The following TNPO3 variants were observed in gnomAD, a reference collection of about 807,000 sequenced individuals.
The protein encoded by TNPO3 is transportin-3.
Under a neutral mutation model 122.8 loss-of-function variants are expected in TNPO3, and 65 were observed. The observed-to-expected ratio is 0.53, with a 90% CI of 0.43 to 0.65. The LOEUF (loss-of-function observed/expected upper bound fraction) is 0.65. TNPO3 is among the 30% of genes least tolerant of loss of function. The pLI is 0.00. For missense variants in TNPO3, 850 were observed against 1,136.7 expected, an observed-to-expected ratio of 0.75 and a Z score of 3.63; for synonymous variants, 372 against 411.2, an observed-to-expected ratio of 0.90 and a Z score of 1.15.
intron 15 of TNPO3, among the ~76,000 whole-genome samples, 184 bp downstream of exon 15, chr7:128,979,787 T>TTA (rs1256626983): frequency 6.6e-6 from 1 of 152,216 alleles, no homozygotes; most frequent in Non-Finnish European, 1.5e-5. Context: ...TGCAGCCTGT[T>TTA]TTGTTATCAA....
intron 4 of TNPO3, among the ~76,000 whole-genome samples, chr7:129,012,423 C>T (rs1021941085): frequency 6.6e-6 from 1 of 152,084 alleles, no homozygotes; most frequent in Non-Finnish European, 1.5e-5. Flanking sequence ...AAATAATTTA[C>T]TACAGGTTAA....
intron 1 of TNPO3, among the ~76,000 whole-genome samples, chr7:129,024,004 G>A (rs554900772): frequency 2.6e-5 from 4 of 152,256 alleles, no homozygotes; most frequent in African/African-American, 9.6e-5. Context: ...AGATAGCTGC[G>A]AATATAATGC....
chr7:129,048,358 A>G (rs961678582), intron 1 of TNPO3, among the ~76,000 whole-genome samples: 1 of 151,940 alleles, frequency 6.6e-6, no homozygotes, highest in Non-Finnish European at 1.5e-5. Context: ...GCAAAACCCC[A>G]ATCTCTACTA....
chr7:128,979,255 G>T, intron 15 of TNPO3, 132 bp from the exon 16 acceptor site: 2 of 1,068,424 alleles, frequency 1.9e-6, no homozygotes, highest in Non-Finnish European at 2.7e-6. Context: ...AACACACATG[G>T]CCAGCATGCT....
At chr7:128,975,337 A>T (rs1798942125) in intron 17 of TNPO3, among the ~76,000 whole-genome samples, 1 of 152,228 alleles carries the variant, frequency 6.6e-6, no homozygotes, top group African/African-American at 2.4e-5. Context: ...AAATGAAAAG[A>T]CATCTTGGGA....
At chr7:128,979,892 C>A (rs1799456848) in intron 15 of TNPO3, 79 bp downstream of exon 15, 1 of 1,288,776 alleles carries the variant, frequency 7.8e-7, no homozygotes, top group South Asian at 1.2e-5. Flanking sequence ...AAGACAGTAT[C>A]TTCTCAGGTG....
At chr7:128,995,017 C>G (rs530521213) in intron 8 of TNPO3, among the ~76,000 whole-genome samples, 3 of 152,256 alleles carry the variant, frequency 2.0e-5, no homozygotes, top group African/African-American at 7.2e-5. Context: ...CCAGGCTGGT[C>G]TCAAACTCCT....
intron 21 of TNPO3, among the ~76,000 whole-genome samples, chr7:128,964,228 T>C (rs911645217): frequency 6.6e-6 from 1 of 151,950 alleles, no homozygotes; most frequent in African/African-American, 2.4e-5. Context: ...AAGCAATCTA[T>C]AGATTCAATA....
At chr7:129,032,275 C>A (rs1806040988) in intron 1 of TNPO3, among the ~76,000 whole-genome samples, 1 of 152,144 alleles carries the variant, frequency 6.6e-6, no homozygotes, top group African/African-American at 2.4e-5. Flanking sequence ...AAAAGCTTTT[C>A]AAAACTGTAA....
intron 1 of TNPO3, among the ~76,000 whole-genome samples, chr7:129,034,309 C>G (rs1806306718): frequency 6.6e-6 from 1 of 150,862 alleles, no homozygotes; most frequent in Admixed American, 6.6e-5. Context: ...CTGCTTGAGC[C>G]CTAGGAGTTC....
intron 21 of TNPO3, among the ~76,000 whole-genome samples, chr7:128,959,274 T>C (rs1052277190): frequency 1.3e-5 from 2 of 152,226 alleles, no homozygotes; most frequent in African/African-American, 4.8e-5. Flanking sequence ...CCCTGAAAGT[T>C]AGGACAGTGC....
intron 5 of TNPO3, among the ~76,000 whole-genome samples, chr7:129,003,110 C>T (rs1158507813): frequency 1.4e-5 from 2 of 146,092 alleles, no homozygotes; most frequent in African/African-American, 5.1e-5. Flanking sequence ...GTAGTCCCAG[C>T]TACTCAGGAG....
intron 12 of TNPO3, 86 bp downstream of exon 12, chr7:128,986,643 A>G (rs1800183665): frequency 7.8e-7 from 1 of 1,281,812 alleles, no homozygotes. Flanking sequence ...GTACATTGCA[A>G]CTGAAAAACT....
At chr7:128,972,623 G>A (rs766597158) in intron 18 of TNPO3, 41 bp from the exon 19 acceptor site, 1 of 1,585,282 alleles carries the variant, frequency 6.3e-7, no homozygotes, top group Non-Finnish European at 8.6e-7. Flanking sequence ...GACAAGATTA[G>A]GCTATAAAAG....
chr7:128,960,916 C>T (rs1292621147), intron 21 of TNPO3, among the ~76,000 whole-genome samples: 4 of 151,998 alleles, frequency 2.6e-5, no homozygotes, highest in East Asian at 3.9e-4. Flanking sequence ...CCCACCACCA[C>T]GCCTGGCTAA....
At chr7:129,008,022 A>G (rs548093893) in intron 4 of TNPO3, among the ~76,000 whole-genome samples, 1 of 152,042 alleles carries the variant, frequency 6.6e-6, no homozygotes, top group Non-Finnish European at 1.5e-5. Flanking sequence ...GGTGGCACGC[A>G]CCTGTAATCC....
intron 1 of TNPO3, among the ~76,000 whole-genome samples, chr7:129,023,334 C>T (rs529785564): frequency 6.6e-6 from 1 of 151,910 alleles, no homozygotes; most frequent in African/African-American, 2.4e-5. Flanking sequence ...TACTTTTCTA[C>T]ACTTGTATAC....
intron 18 of TNPO3, among the ~76,000 whole-genome samples, chr7:128,973,000 C>A (rs1798648947): frequency 6.6e-6 from 1 of 151,438 alleles, no homozygotes; most frequent in African/African-American, 2.4e-5. Context: ...TAAAGTTGCT[C>A]TTTAAAAAAA....
chr7:128,960,873 C>T (rs1797381248), intron 21 of TNPO3, among the ~76,000 whole-genome samples: 1 of 152,008 alleles, frequency 6.6e-6, no homozygotes, highest in African/African-American at 2.4e-5. Context: ...GATTCTCCAG[C>T]CTCAGCCTCC....
Sources: gnomAD v4.1 joint callset for allele counts (sites outside exome capture counted in the v4.1 genomes callset) on GRCh38, gnomAD v4.1.1 for gene constraint, MANE v1.5 for transcripts, NCBI Gene and HGNC (gene_info 2026-07-23, HGNC 2026-07-21) for gene names.